CLEC2D: variants seen among roughly 807,000 people sequenced by gnomAD.
CLEC2D encodes the protein C-type lectin domain family 2 member D, also known as C-type lectin related f.
Under a neutral mutation model 20.0 loss-of-function variants are expected in CLEC2D, and 16 were observed. The ratio of observed to expected loss-of-function variants is 0.80; its 90% confidence interval spans 0.54 to 1.22. The LOEUF (loss-of-function observed/expected upper bound fraction) is 1.22. Ranked by LOEUF, CLEC2D falls within the 50% of genes most tolerant of loss-of-function variation. CLEC2D has a pLI of 0.00. For synonymous variants in CLEC2D, 77 were observed against 71.1 expected, an observed-to-expected ratio of 1.08 and a Z score of -0.42; for missense variants, 207 against 221.5, an observed-to-expected ratio of 0.93 and a Z score of 0.42.
intron 4 of CLEC2D, chr12:9,693,208 C>T (rs763706366): frequency 3.4e-6 from 3 of 888,948 alleles, no homozygotes; most frequent in South Asian, 2.9e-5. Context: ...ATCTTTAAGT[C>T]TGTTCCTTAC....
chr12:9,688,190 ATTTT>A lies in CLEC2D; in HGVS notation c.357+125_357+128del, dbSNP rs71045286. ...GGTTTAGACATCTGCTTTTACATTG[ATTTT>A]TTTTTTTTTTTTTTTTTTTTGCATA... On this transcript the variant is annotated intron_variant, in intron 3 of 4. Transcript: ENST00000290855. 5,628 of 781,152 alleles carry A rather than the reference ATTTT, an allele frequency of 7.2e-3. 1 individual carries two copies. The highest frequency in any genetic ancestry group is 0.018 in the East Asian group (260 of 14,548). The allele number at this position is 781,152 out of a possible 1,614,324, so 48.4% of individuals were successfully genotyped here. A position where few individuals can be genotyped will look rare whatever the true frequency, so the allele number is the denominator to read the frequency against.
At chr12:9,680,224 C>A (rs1029367978) in intron 1 of CLEC2D, 3 of 348,764 alleles carry the variant, frequency 8.6e-6, no homozygotes, top group Non-Finnish European at 1.8e-5. Context: ...TGAAGAAGAA[C>A]ACGTTTGCTT....
intron 1 of CLEC2D, among the ~76,000 whole-genome samples, chr12:9,672,497 C>T (rs902946044): frequency 3.3e-5 from 5 of 152,136 alleles, no homozygotes; most frequent in African/African-American, 1.2e-4. Context: ...CCCTGGCTGC[C>T]CTTAATATTT....
intron 1 of CLEC2D, among the ~76,000 whole-genome samples, chr12:9,673,286 C>CTGTT (rs1002823981): frequency 1.3e-5 from 2 of 152,126 alleles, no homozygotes; most frequent in African/African-American, 4.8e-5. Flanking sequence ...TTGTTACTTT[C>CTGTT]TGTTTGTTTG....
intron 1 of CLEC2D, chr12:9,680,249 A>T (rs1377047047): frequency 3.1e-6 from 1 of 322,748 alleles, no homozygotes; most frequent in Admixed American, 2.9e-5. Context: ...TTCCACCATT[A>T]TTGTAAGTTT....
chr12:9,689,574 A>G (rs1446563636), intron 3 of CLEC2D, among the ~76,000 whole-genome samples: 1 of 152,208 alleles, frequency 6.6e-6, no homozygotes, highest in Non-Finnish European at 1.5e-5. Context: ...AGTATAACCA[A>G]TGAGTTAAAG....
chr12:9,683,119 A>T (rs1355966143), intron 2 of CLEC2D, among the ~76,000 whole-genome samples: 1 of 152,098 alleles, frequency 6.6e-6, no homozygotes, highest in Non-Finnish European at 1.5e-5. Flanking sequence ...TTTTTATCAT[A>T]TATTTGTTGG....
At chr12:9,689,970 T>A (rs1302429945) in intron 3 of CLEC2D, among the ~76,000 whole-genome samples, 1 of 151,950 alleles carries the variant, frequency 6.6e-6, no homozygotes, top group South Asian at 2.1e-4. Flanking sequence ...AACAAAACTT[T>A]CCAAAATCTG....
chr12:9,695,874 A>AGATGATGAT lies in CLEC2D; in HGVS notation c.*1012_*1020dup. ...CTGCTGCTGATGATGATGATGATGA[A>AGATGATGAT]GATGATGATGATGATGATGACGAGG... On this transcript the variant is annotated 3_prime_UTR_variant, in exon 5 of 5. Transcript: ENST00000290855. 3.3e-6 allele frequency: 3 copies of AGATGATGAT among 899,126 alleles called. No homozygotes were observed. The highest frequency in any genetic ancestry group is 1.5e-5 in the South Asian group (1 of 66,004). The allele number at this position is 899,126 out of a possible 1,614,324, so 55.7% of individuals were successfully genotyped here.
In CLEC2D at chr12:9,687,972, T is replaced by G. The variant is rs2120955917; in HGVS notation, c.243T>G (p.Gly81=). The G allele has an allele frequency of 6.2e-7, 1 of 1,612,554 alleles. No individual in the cohort carries two copies. Among genetic ancestry groups the G allele is most frequent in the South Asian group, 1.1e-5 (1 of 90,906 alleles). The stretch of plus-strand genomic sequence containing the variant: ...CTGCATGCCCAGAAAGCTGGATTGG[T>G]TTTCAAAGAAAGTGTTTCTATTTTT... ...LQAACPESWI[G]FQRKCFYFSD... Residue 81 remains glycine (G), a synonymous_variant, in exon 3 of 5, where the codon GGT becomes GGG. Coordinates refer to ENST00000290855, the MANE Select transcript of CLEC2D (RefSeq NM_013269.6).
intron 1 of CLEC2D, among the ~76,000 whole-genome samples, chr12:9,670,373 A>T (rs973950702): frequency 6.6e-6 from 1 of 152,190 alleles, no homozygotes; most frequent in African/African-American, 2.4e-5. Flanking sequence ...ATAACTTAGG[A>T]CTTAAAAGTT....
chr12:9,681,329 G>C (rs2120924949), intron 2 of CLEC2D, among the ~76,000 whole-genome samples: 1 of 152,156 alleles, frequency 6.6e-6, no homozygotes, highest in South Asian at 2.1e-4. Context: ...ATAGTCTCTT[G>C]TCCGATCTAG....
chr12:9,694,620 A>G (rs764081185), intron 4 of CLEC2D, 140 bp from the exon 5 acceptor site: 29 of 614,194 alleles, frequency 4.7e-5, no homozygotes, highest in African/African-American at 3.7e-4. Context: ...CCACTGACTA[A>G]TTAGTCACCA....
At position 9,682,557 on chromosome 12, in the gene CLEC2D, C is replaced by T. The variant is rs61913355; in HGVS notation, c.172+1524C>T. ...CAACACGCCTCAGTGTGTGATGTTC[C>T]GCTCCCTGCATCCATGTGTTCTCAT... is the stretch of plus-strand genomic sequence containing the variant. On this transcript the variant is annotated intron_variant, in intron 2 of 4. Transcript: ENST00000290855. Among the ~76,000 whole-genome samples the T allele has an allele frequency of 1.5e-3, 233 of 152,220 alleles. 1 individual carries two copies. Among genetic ancestry groups the T allele is most frequent in the Non-Finnish European group, 2.8e-3 (189 of 68,016 alleles).
Position 9,696,232 on chromosome 12 carries a change from G to C in CLEC2D, c.*1358G>C. ...CTGGCAGTGGAGGAAGTCTCTTTAA[G>C]AAAATAGTTTAAACAATTTGTTAAA... On this transcript the variant is annotated 3_prime_UTR_variant, in exon 5 of 5. Coordinates refer to ENST00000290855, the MANE Select transcript of CLEC2D (RefSeq NM_013269.6). 1 of 822,296 alleles carries C rather than the reference G, an allele frequency of 1.2e-6. No homozygotes were observed. Among genetic ancestry groups the C allele is most frequent in the Admixed American group, 1.7e-5 (1 of 57,996 alleles). 50.9% of individuals were successfully genotyped at this position (822,296 alleles called of 1,614,324 possible).
intron 1 of CLEC2D, among the ~76,000 whole-genome samples, chr12:9,677,110 T>A (rs930777950): frequency 1.3e-5 from 2 of 152,058 alleles, no homozygotes; most frequent in Admixed American, 6.5e-5. Flanking sequence ...CAGTGTCCCA[T>A]TTTTTATTTC....
intron 1 of CLEC2D, among the ~76,000 whole-genome samples, chr12:9,671,925 T>C (rs1462763230): frequency 6.6e-6 from 1 of 152,210 alleles, no homozygotes; most frequent in Admixed American, 6.5e-5. Context: ...TTTAGAGCCA[T>C]TTTGGGATCA....
intron 4 of CLEC2D, chr12:9,693,283 G>C: frequency 1.8e-6 from 1 of 545,390 alleles, no homozygotes; most frequent in Non-Finnish European, 3.3e-6. Flanking sequence ...AGGAACAGAG[G>C]TTTTGATGTA....
intron 2 of CLEC2D, among the ~76,000 whole-genome samples, chr12:9,685,668 C>T (rs756474598): frequency 2.2e-4 from 33 of 152,296 alleles, no homozygotes; most frequent in African/African-American, 7.9e-4. Context: ...GGGAAAATCA[C>T]CTACTCAAGC....
Sources: allele counts gnomAD v4.1 joint callset (sites outside exome capture counted in the v4.1 genomes callset), GRCh38; gene constraint gnomAD v4.1.1; transcripts MANE v1.5; gene names NCBI Gene and HGNC (gene_info 2026-07-23, HGNC 2026-07-21).